PLG: variants seen among roughly 807,000 people sequenced by gnomAD.
PLG encodes plasmin.
A neutral mutation model predicts 104.4 loss-of-function variants in PLG; 41 were observed. The ratio of observed to expected loss-of-function variants is 0.39; its 90% CI spans 0.31 to 0.51. The LOEUF is 0.51. Ranked by LOEUF, PLG falls within the 20% of genes least tolerant of loss-of-function variation. The pLI, the probability that PLG is intolerant of heterozygous loss-of-function variation, is 0.76. For synonymous variants in PLG, 337 were observed against 357.1 expected (o/e 0.94, Z 0.63); for missense variants, 891 against 1,003.6 (o/e 0.89, Z 1.52).
rs1050448612 is a variant in PLG, at chr6:160,750,530, C to G, written c.2126-1585C>G. 2.0e-5 allele frequency among the ~76,000 whole-genome samples: 3 copies of G among 152,348 alleles called. No individual in the cohort carries two copies. The South Asian group carries it at 6.2e-4, about 32-fold the overall frequency. On this transcript the variant is annotated intron_variant, in intron 17 of 18. Coordinates refer to ENST00000308192, the MANE Select transcript of PLG (RefSeq NM_000301.5). ...TTGAGAAGGGTGCTCCCTCACACAACTACACAGTCCAGGTGATGCACCCAC... is the reference window on the plus strand; with the variant it reads ...TTGAGAAGGGTGCTCCCTCACACAAGTACACAGTCCAGGTGATGCACCCAC...
At chr6:160,703,574 A>G (rs866389941) in intron 1 of PLG, among the ~76,000 whole-genome samples, 1 of 152,360 alleles carries the variant, frequency 6.6e-6, no homozygotes, top group South Asian at 2.1e-4. Flanking sequence ...AATTCAATCT[A>G]TAAATTACCA....
chr6:160,724,737 A>G lies in PLG; in HGVS notation c.1256+2170A>G, dbSNP rs1397532503. Among the ~76,000 whole-genome samples the G allele has an allele frequency of 2.0e-5, 3 of 152,302 alleles. No homozygotes were observed. In the East Asian group the frequency reaches 5.8e-4, roughly 29 times the overall value. On this transcript the variant is annotated intron_variant, in intron 10 of 18. Transcript: ENST00000308192. This position sits in a 1 kb window ranked among gnomAD's most constrained non-coding sequence, Gnocchi z 5.0. ...ACATAGAATGTTATATCCAGCAAAAATATCCCTTGAAAGTGAATGTTATAT... is the reference window on the plus strand; with the variant it reads ...ACATAGAATGTTATATCCAGCAAAAGTATCCCTTGAAAGTGAATGTTATAT...
chr6:160,715,017 C>A, intron 6 of PLG, 103 bp downstream of exon 6: 5 of 1,170,988 alleles, frequency 4.3e-6, no homozygotes, highest in African/African-American at 1.5e-5. Flanking sequence ...AAGAAGTGAA[C>A]GCCTGATGTT....
intron 1 of PLG, among the ~76,000 whole-genome samples, chr6:160,703,718 G>T (rs1207926202): frequency 6.6e-6 from 1 of 152,154 alleles, no homozygotes; most frequent in Non-Finnish European, 1.5e-5. Flanking sequence ...TGTATGTTGG[G>T]GGGTATGAAT....
rs112798407 is a variant in PLG at position 160,749,538 on chromosome 6, A to T, written c.2126-2577A>T. ...TACTGCCATCAACATCACCATCACC[A>T]TCATCACCACCATCACCATCATTAT... On this transcript the variant is annotated intron_variant, in intron 17 of 18. Coordinates refer to ENST00000308192, the MANE Select transcript of PLG (RefSeq NM_000301.5). Among the ~76,000 whole-genome samples the T allele has an allele frequency of 1.5e-3, 222 of 149,376 alleles. 2 individuals are homozygous for T. The highest frequency in any genetic ancestry group is 5.2e-3 in the African/African-American group (209 of 40,390).
In PLG at chr6:160,732,004, G is replaced by A. The variant is rs1778007742; in HGVS notation, c.1587+111G>A. 2.7e-6 allele frequency: 3 copies of A among 1,101,160 alleles called. No homozygotes were observed. The highest frequency in any genetic ancestry group is 2.4e-5 in the East Asian group (1 of 42,486). The allele number at this position is 1,101,160 out of a possible 1,614,324, so 68.2% of individuals were successfully genotyped here. A position where few individuals can be genotyped will look rare whatever the true frequency, so the allele number is the denominator to read the frequency against. On this transcript the variant is annotated intron_variant, in intron 12 of 18. Coordinates refer to ENST00000308192, the MANE Select transcript of PLG (RefSeq NM_000301.5). This position sits in a 1 kb window ranked among gnomAD's most constrained non-coding sequence, Gnocchi z 4.5. ...CTGGACTGCTCTTTTTTGTAATGGG[G>A]GAGAGGGGACAGAAGAAAATATTGG...
chr6:160,721,140 C>T (rs1176611389), intron 9 of PLG, among the ~76,000 whole-genome samples: 1 of 152,150 alleles, frequency 6.6e-6, no homozygotes, highest in Admixed American at 6.5e-5. Flanking sequence ...CAACAAGATC[C>T]TTTAACATAC....
chr6:160,746,501 T>A (rs1778280248), intron 17 of PLG, among the ~76,000 whole-genome samples: 1 of 152,264 alleles, frequency 6.6e-6, no homozygotes, highest in African/African-American at 2.4e-5. Context: ...GGTTCTTTTT[T>A]AAACCAGTGA....
In PLG at chr6:160,738,618, T is replaced by C; in HGVS notation, c.1877+6T>C. ...GCTGCCCACTGCTTGGAGAAGTATG[T>C]TTAGGGGACAATTGACATGAAGTCT... On this transcript the variant is annotated splice_donor_region_variant and intron_variant, in intron 15 of 18. Transcript: ENST00000308192. The surrounding 1 kb of genome is among the most constrained non-coding windows in gnomAD (Gnocchi z 6.8). The C allele has an allele frequency of 6.4e-7, 1 of 1,568,598 alleles. No individual in the cohort carries two copies.
chr6:160,737,999 A>T lies in PLG; in HGVS notation c.1803-539A>T, dbSNP rs1356022015. The stretch of plus-strand genomic sequence containing the variant: ...TTGGTTCCAAATGGCTCACACCATT[A>T]TTCTGAGCTATTACCTGCCTACGCA... On this transcript the variant is annotated intron_variant, in intron 14 of 18. Transcript: ENST00000308192. The surrounding 1 kb of genome is among the most constrained non-coding windows in gnomAD (Gnocchi z 4.7). 2.0e-5 allele frequency among the ~76,000 whole-genome samples: 3 copies of T among 152,112 alleles called. No homozygotes were observed. The highest frequency in any genetic ancestry group is 4.4e-5 in the Non-Finnish European group (3 of 68,024).
chr6:160,746,745 A>G (rs1469008900), intron 17 of PLG, among the ~76,000 whole-genome samples: 1 of 152,192 alleles, frequency 6.6e-6, no homozygotes, highest in African/African-American at 2.4e-5. Flanking sequence ...TGTAGGTTGA[A>G]TACAGCCAAT....
intron 2 of PLG, among the ~76,000 whole-genome samples, chr6:160,707,244 C>T (rs541689735): frequency 1.3e-5 from 2 of 151,982 alleles, no homozygotes; most frequent in Admixed American, 1.3e-4. Context: ...CCAGACTGAG[C>T]ACCCATAGCA....
At chr6:160,707,991 A>C (rs1475173317) in intron 3 of PLG, 185 bp downstream of exon 3, 4 of 578,734 alleles carry the variant, frequency 6.9e-6, no homozygotes, top group Admixed American at 3.0e-5. Context: ...GTATTACTTC[A>C]CCTCTTAGAT....
intron 17 of PLG, among the ~76,000 whole-genome samples, chr6:160,746,199 T>A (rs1056588430): frequency 2.0e-5 from 3 of 152,166 alleles, no homozygotes; most frequent in Non-Finnish European, 4.4e-5. Context: ...GAAGTTTTCA[T>A]GGACAATATC....
Position 160,741,891 on chromosome 6 carries a change from T to TG in PLG, c.2125+474_2125+475insG, listed in dbSNP as rs1778202352. 6.6e-6 allele frequency among the ~76,000 whole-genome samples: 1 copy of TG among 152,170 alleles called. No homozygotes were observed. Among genetic ancestry groups the TG allele is most frequent in the Admixed American group, 6.5e-5 (1 of 15,278 alleles). On this transcript the variant is annotated intron_variant, in intron 17 of 18. Transcript: ENST00000308192. This position sits in a 1 kb window ranked among gnomAD's most constrained non-coding sequence, Gnocchi z 4.7. ...TGAGTTCTCATCACTTAGCTCCCAC[T>TG]TATAACTGTGAACATGTGGTATTTG...
rs1778175263 is a variant in PLG at position 160,740,567 on chromosome 6, G to A, written c.2019-744G>A. The stretch of plus-strand genomic sequence containing the variant: ...CTGGGCCTTCTGATGATGCTCAGAA[G>A]CAGAAAGTGTGCCTGCTTCAAAGTT... On this transcript the variant is annotated intron_variant, in intron 16 of 18. Transcript: ENST00000308192. This position sits in a 1 kb window ranked among gnomAD's most constrained non-coding sequence, Gnocchi z 5.2. Among the ~76,000 whole-genome samples the A allele has an allele frequency of 6.6e-6, 1 of 152,186 alleles. No homozygotes were observed. Among genetic ancestry groups the A allele is most frequent in the Non-Finnish European group, 1.5e-5 (1 of 68,038 alleles).
chr6:160,731,737 C>G lies in PLG; in HGVS notation c.1439-8C>G. On this transcript the variant is annotated splice_region_variant and splice_polypyrimidine_tract_variant and intron_variant, in intron 11 of 18. Transcript: ENST00000308192. The surrounding 1 kb of genome is among the most constrained non-coding windows in gnomAD (Gnocchi z 5.1). ...CTCTTCATAATCATCCATTTTTTCC[C>G]TGTACAGACTGTATGTTTGGGAATG... 6.2e-7 allele frequency: 1 copy of G among 1,613,372 alleles called. No homozygotes were observed. The highest frequency in any genetic ancestry group is 8.5e-7 in the Non-Finnish European group (1 of 1,179,450).
At chr6:160,727,349 G>C (rs1777935680) in intron 10 of PLG, among the ~76,000 whole-genome samples, 1 of 150,020 alleles carries the variant, frequency 6.7e-6, no homozygotes, top group African/African-American at 2.5e-5. Flanking sequence ...TCTAAGTTCA[G>C]ATGGCATCAT....
chr6:160,718,640 C>T (rs1777783221), intron 8 of PLG, 53 bp from the exon 9 acceptor site: 1 of 1,584,296 alleles, frequency 6.3e-7, no homozygotes, highest in Non-Finnish European at 8.7e-7. Flanking sequence ...AAGCGTGGTT[C>T]CCTAGACTTT....
Sources: allele counts gnomAD v4.1 joint callset (sites outside exome capture counted in the v4.1 genomes callset), GRCh38; gene constraint gnomAD v4.1.1; non-coding constraint Gnocchi (gnomAD v3.1); transcripts MANE v1.5; gene names NCBI Gene and HGNC (gene_info 2026-07-23, HGNC 2026-07-21).